Variants in CRISPLD2 observed in about 807,000 individuals in gnomAD.
The protein encoded by CRISPLD2 is cysteine rich secretory protein LCCL domain containing 2, also known as cysteine-rich secretory protein LCCL domain-containing 2.
In CRISPLD2, 47 loss-of-function variants were observed where a neutral mutation model predicts 71.1. That is an observed-to-expected ratio of 0.66 (90% CI 0.52 to 0.84). The LOEUF (loss-of-function observed/expected upper bound fraction) is 0.84, where lower values mean the gene tolerates loss of function less well. Among genes scored for constraint, CRISPLD2 ranks in the 40% least tolerant of loss-of-function variants. CRISPLD2 has a pLI of 0.00. For missense variants in CRISPLD2, 830 were observed against 651.1 expected (o/e 1.27, Z -2.99); for synonymous variants, 317 against 250.1 (o/e 1.27, Z -2.52).
At chr16:84,889,095 T>G in intron 13 of CRISPLD2, 135 bp from the exon 14 acceptor site, 1 of 1,002,930 alleles carries the variant, frequency 1.0e-6, no homozygotes, top group Non-Finnish European at 1.5e-6. Context: ...AAGGTAGTGA[T>G]GATTATTTCC....
intron 8 of CRISPLD2, 132 bp downstream of exon 8, chr16:84,869,043 G>T: frequency 1.3e-6 from 1 of 760,408 alleles, no homozygotes; most frequent in South Asian, 2.0e-5. Context: ...TCAGCAGGCA[G>T]AACAGGGGTT....
intron 14 of CRISPLD2, among the ~76,000 whole-genome samples, chr16:84,904,746 T>G (rs776368662): frequency 2.0e-5 from 3 of 152,140 alleles, no homozygotes; most frequent in Non-Finnish European, 1.5e-5. Flanking sequence ...CAAGGGCAAT[T>G]AGATATTTAC....
At chr16:84,852,659 G>C (rs1917121977) in intron 5 of CRISPLD2, among the ~76,000 whole-genome samples, 2 of 152,138 alleles carry the variant, frequency 1.3e-5, no homozygotes, top group Non-Finnish European at 2.9e-5. Flanking sequence ...GGGTGAGTTT[G>C]GGTGTGGGGG....
chr16:84,896,055 T>TG (rs1265113935), intron 14 of CRISPLD2, among the ~76,000 whole-genome samples: 1 of 151,440 alleles, frequency 6.6e-6, no homozygotes, highest in Non-Finnish European at 1.5e-5. Flanking sequence ...TTTTTTTTTT[T>TG]GGAGATGGAG....
chr16:84,839,361 TCAGCTGTGCC>T, intron 2 of CRISPLD2: 1 of 225,438 alleles, frequency 4.4e-6, no homozygotes, highest in Admixed American at 5.3e-5. Flanking sequence ...GATGCTGATC[TCAGCTGTGCC>T]ACACGCTAGC....
chr16:84,851,697 G>A (rs1433886512), intron 5 of CRISPLD2, among the ~76,000 whole-genome samples: 1 of 152,236 alleles, frequency 6.6e-6, no homozygotes, highest in Non-Finnish European at 1.5e-5. Flanking sequence ...CCATGCAAGA[G>A]CAGCAGACTG....
chr16:84,900,049 A>G (rs1354223510), intron 14 of CRISPLD2, among the ~76,000 whole-genome samples: 1 of 152,106 alleles, frequency 6.6e-6, no homozygotes, highest in East Asian at 1.9e-4. Context: ...TCCAGAAACC[A>G]GCAGGGCCGC....
In CRISPLD2 at chr16:84,855,339, C is replaced by T. The variant is rs886307725; in HGVS notation, c.709+510C>T. The stretch of plus-strand genomic sequence containing the variant: ...ATTAAACTCACGTGATCACAAGATC[C>T]CACAATAGGCCATCTGCAAGTTGAG... On this transcript the variant is annotated intron_variant, in intron 6 of 14. Transcript: ENST00000262424. Among the ~76,000 whole-genome samples the T allele has an allele frequency of 5.3e-5, 8 of 152,110 alleles. 1 individual carries two copies. The highest frequency in any genetic ancestry group is 2.6e-4 in the Admixed American group (4 of 15,278).
intron 3 of CRISPLD2, among the ~76,000 whole-genome samples, chr16:84,846,869 G>A (rs1183680312): frequency 2.6e-5 from 4 of 152,178 alleles, no homozygotes; most frequent in East Asian, 1.9e-4. Context: ...AAATGCAGCC[G>A]ACGGGCCTTC....
At chr16:84,863,623 G>A (rs1917449907) in intron 6 of CRISPLD2, among the ~76,000 whole-genome samples, 1 of 152,216 alleles carries the variant, frequency 6.6e-6, no homozygotes, top group African/African-American at 2.4e-5. Context: ...TTCCTCATCT[G>A]TGAAATGTGG....
intron 3 of CRISPLD2, 142 bp from the exon 4 acceptor site, chr16:84,849,243 C>A: frequency 2.5e-6 from 2 of 806,174 alleles, no homozygotes; most frequent in Non-Finnish European, 3.9e-6. Context: ...CCCTCCCTCC[C>A]GGCTGCCCGT....
chr16:84,894,496 C>G (rs1202668258), intron 14 of CRISPLD2, among the ~76,000 whole-genome samples: 1 of 152,138 alleles, frequency 6.6e-6, no homozygotes, highest in East Asian at 1.9e-4. Context: ...AGCCCCTGCG[C>G]TAGGGACTGG....
rs777510550 is a variant in CRISPLD2 at position 84,849,460 on chromosome 16, G to C, written c.435G>C (p.Glu145Asp). The C allele has an allele frequency of 6.8e-6, 11 of 1,614,034 alleles. No individual in the cohort carries two copies. The Admixed American group carries it at 1.8e-4, about 27-fold the overall frequency. ...ACTACACCTACCCCTACCCGAGCGA[G>C]TGCAACCCCTGGTGTCCAGAGAGGT... Reference protein sequence around the residue: ...VKDYTYPYPSECNPWCPERCS... With the variant: ...VKDYTYPYPSDCNPWCPERCS... Residue 145 changes from glutamate to aspartate, a missense_variant, in exon 4 of 15, where the codon GAG (glutamate) becomes GAC (aspartate). Physicochemically the swap from Glu to Asp is conservative, Grantham distance 45 (BLOSUM62 2). Coordinates refer to ENST00000262424, the MANE Select transcript of CRISPLD2 (RefSeq NM_031476.4).
intron 1 of CRISPLD2, among the ~76,000 whole-genome samples, chr16:84,824,977 A>ACG (rs1916315070): frequency 6.6e-6 from 1 of 151,830 alleles, no homozygotes; most frequent in Non-Finnish European, 1.5e-5. Context: ...GGTGGCAGGC[A>ACG]CCTGTAGTCC....
chr16:84,837,629 G>A (rs542250530), intron 1 of CRISPLD2, among the ~76,000 whole-genome samples: 59 of 152,114 alleles, frequency 3.9e-4, no homozygotes, highest in Non-Finnish European at 7.4e-4. Flanking sequence ...GTGTTAGCCA[G>A]GATGGTCTCG....
chr16:84,905,005 G>A (rs1348105892), intron 14 of CRISPLD2, among the ~76,000 whole-genome samples: 1 of 152,170 alleles, frequency 6.6e-6, no homozygotes, highest in Non-Finnish European at 1.5e-5. Context: ...ATTAGGCCAG[G>A]CACGGTGGCT....
chr16:84,880,705 T>G, intron 13 of CRISPLD2, 121 bp downstream of exon 13: 1 of 571,332 alleles, frequency 1.8e-6, no homozygotes. Context: ...ATTAATTAAT[T>G]AATTAATTAA....
At position 84,877,424 on chromosome 16, in the gene CRISPLD2, G is replaced by A. The variant is rs201470564; in HGVS notation, c.1157-14G>A. On this transcript the variant is annotated splice_polypyrimidine_tract_variant and intron_variant, in intron 11 of 14. Coordinates refer to ENST00000262424, the MANE Select transcript of CRISPLD2 (RefSeq NM_031476.4). ...GCTGGGACCTGACCCTTTCCCCCTT[G>A]CTCCTGTTCACAGTGCAGGATTTGG... The A allele has an allele frequency of 9.9e-5, 159 of 1,612,918 alleles. No homozygotes were observed. Among genetic ancestry groups the A allele is most frequent in the Non-Finnish European group, 1.3e-4 (149 of 1,179,076 alleles).
chr16:84,875,813 G>T (rs965622881), intron 11 of CRISPLD2, among the ~76,000 whole-genome samples: 2 of 149,104 alleles, frequency 1.3e-5, no homozygotes, highest in Non-Finnish European at 1.5e-5. Context: ...TGATCCACCC[G>T]CCTGGGCCTC....
Sources: allele counts gnomAD v4.1 joint callset (sites outside exome capture counted in the v4.1 genomes callset), GRCh38; gene constraint gnomAD v4.1.1; transcripts MANE v1.5; gene names NCBI Gene and HGNC (gene_info 2026-07-23, HGNC 2026-07-21).